Variants in OR7C1 observed in about 807,000 individuals in gnomAD.
OR7C1 encodes olfactory receptor family 7 subfamily C member 1.
For synonymous variants in OR7C1, 152 were observed against 160.7 expected, an observed-to-expected ratio of 0.95 and a Z score of 0.41; for missense variants, 324 against 383.3, an observed-to-expected ratio of 0.85 and a Z score of 1.29.
intron 1 of OR7C1, among the ~76,000 whole-genome samples, chr19:14,820,649 C>T (rs1599920700): frequency 6.6e-6 from 1 of 152,040 alleles, no homozygotes; most frequent in East Asian, 1.9e-4. Context: ...CAGGTGAAAT[C>T]CCTGCTAATT....
At position 14,816,422 on chromosome 19, in the gene OR7C1, G is replaced by C. The variant is rs144755164; in HGVS notation, c.-622-6429C>G. ...ATCAGCTGCCAGTGTGGCTAGAATA[G>C]AGCAGGCAGAAGAAATTGGAAGGAG... On this transcript the variant is annotated intron_variant, in intron 1 of 4. Transcript: ENST00000641666. Among the ~76,000 whole-genome samples the C allele has an allele frequency of 2.6e-3, 390 of 152,302 alleles. No homozygotes were observed. The Middle Eastern group carries it at 0.027, about 11-fold the overall frequency.
intron 1 of OR7C1, among the ~76,000 whole-genome samples, chr19:14,817,230 A>C (rs2044720265): frequency 1.3e-5 from 2 of 152,164 alleles, no homozygotes; most frequent in African/African-American, 2.4e-5. Flanking sequence ...TCAATTGTTA[A>C]GACTCTGCAC....
chr19:14,806,844 T>C (rs2044668568), intron 2 of OR7C1, among the ~76,000 whole-genome samples: 1 of 151,990 alleles, frequency 6.6e-6, no homozygotes, highest in Non-Finnish European at 1.5e-5. Flanking sequence ...GCAATAAACA[T>C]ATGTGTGGAT....
chr19:14,814,668 A>T, intron 1 of OR7C1, among the ~76,000 whole-genome samples: 1 of 152,076 alleles, frequency 6.6e-6, no homozygotes, highest in East Asian at 1.9e-4. Flanking sequence ...CAGGTGATCC[A>T]CCTGCCTCGG....
chr19:14,799,031 A>G (rs895728424), exon 5 of OR7C1: 14 of 1,045,784 alleles, frequency 1.3e-5, no homozygotes, highest in East Asian at 2.6e-5. Flanking sequence ...GGCCCTCCCT[A>G]TCTACCTAAA....
intron 2 of OR7C1, among the ~76,000 whole-genome samples, chr19:14,804,061 A>G (rs568169870): frequency 1.3e-5 from 2 of 152,222 alleles, no homozygotes; most frequent in Non-Finnish European, 2.9e-5. Flanking sequence ...AATGTAGGAT[A>G]CATAGGTGTC....
intron 2 of OR7C1, among the ~76,000 whole-genome samples, chr19:14,801,961 T>C (rs2044644058): frequency 6.6e-6 from 1 of 152,196 alleles, no homozygotes; most frequent in Non-Finnish European, 1.5e-5. Context: ...TTGGGGATTA[T>C]AATTCGAGAT....
rs183854693 is a variant in OR7C1, at chr19:14,808,539, G to A, written c.-435+1267C>T. 1.9e-3 allele frequency among the ~76,000 whole-genome samples: 267 copies of A among 137,256 alleles called. 1 individual carries two copies. The highest frequency in any genetic ancestry group is 2.6e-3 in the Non-Finnish European group (169 of 65,002). 90.0% of individuals were successfully genotyped at this position (137,256 alleles called of 152,430 possible). ...GGAAACAGAAAATCAAATACCATATGTTTTCACTTATAAGCAGAAGCCAAA... is the reference window on the plus strand; with the variant it reads ...GGAAACAGAAAATCAAATACCATATATTTTCACTTATAAGCAGAAGCCAAA... On this transcript the variant is annotated intron_variant, in intron 2 of 4. Transcript: ENST00000641666.
At chr19:14,808,889 G>A (rs1469510010) in intron 2 of OR7C1, among the ~76,000 whole-genome samples, 3 of 151,912 alleles carry the variant, frequency 2.0e-5, no homozygotes, top group Non-Finnish European at 2.9e-5. Context: ...TGTAACATTT[G>A]GTGAAATATA....
intron 1 of OR7C1, among the ~76,000 whole-genome samples, chr19:14,814,465 C>A (rs1189158924): frequency 6.6e-6 from 1 of 151,894 alleles, no homozygotes; most frequent in Non-Finnish European, 1.5e-5. Context: ...TTCTTGTTGC[C>A]CAGGCTGGAG....
At chr19:14,807,881 G>A (rs968292951) in intron 2 of OR7C1, among the ~76,000 whole-genome samples, 3 of 149,264 alleles carry the variant, frequency 2.0e-5, no homozygotes, top group Admixed American at 6.6e-5. Context: ...GGGTGATAGA[G>A]CGAGACTCAG....
chr19:14,800,217 T>C, intron 4 of OR7C1, 39 bp downstream of exon 4: 4 of 1,441,638 alleles, frequency 2.8e-6, no homozygotes, highest in South Asian at 1.4e-5. Context: ...TTTGGTTACA[T>C]TTAATTTTAA....
chr19:14,822,584 G>A (rs1326235079), intron 1 of OR7C1, among the ~76,000 whole-genome samples: 12 of 151,542 alleles, frequency 7.9e-5, no homozygotes, highest in Admixed American at 5.9e-4. Flanking sequence ...GGGTTTCACC[G>A]TCTTGGCCAG....
rs528166303 is a variant in OR7C1 at position 14,814,613 on chromosome 19, G to A, written c.-622-4620C>T. Among the ~76,000 whole-genome samples, 357 of 151,916 alleles carry A rather than the reference G, an allele frequency of 2.3e-3. 1 individual carries two copies. Among genetic ancestry groups the A allele is most frequent in the Middle Eastern group, 0.01 (3 of 294 alleles). On this transcript the variant is annotated intron_variant, in intron 1 of 4. Coordinates refer to ENST00000641666, the Ensembl canonical transcript of OR7C1. ...TAATTTTTGTATTTTTAGTAGAGAC[G>A]GGGGTTTCACCATGCTGGCCAGGCT...
rs372716593 is a variant in OR7C1, at chr19:14,799,744, G to C, written c.393C>G (p.His131Gln). ...GCTGGGGGTTCATGATGACCGTATAGTGCAGGGGGTGACAGACGGCCACGA... is the reference window on the plus strand; with the variant it reads ...GCTGGGGGTTCATGATGACCGTATACTGCAGGGGGTGACAGACGGCCACGA... Residue 131 changes from histidine (H) to glutamine (Q), a missense_variant, in exon 5 of 5, where the codon CAC becomes CAG. Transcript: ENST00000641666. 9 of 1,614,078 alleles carry C rather than the reference G, an allele frequency of 5.6e-6. No homozygotes were observed. The highest frequency in any genetic ancestry group is 2.7e-5 in the African/African-American group (2 of 75,014).
chr19:14,799,236 G>T (rs1356974949), exon 5 of OR7C1: 1 of 1,614,074 alleles, frequency 6.2e-7, no homozygotes, highest in Non-Finnish European at 8.5e-7. Flanking sequence ...AGTCTCCCCA[G>T]GGCCCTCTTC....
chr19:14,833,170 G>T (rs1299804134), intron 1 of OR7C1, among the ~76,000 whole-genome samples: 1 of 152,042 alleles, frequency 6.6e-6, no homozygotes. Flanking sequence ...CTTACACAAA[G>T]TCAGAGGAAT....
chr19:14,800,005 G>C (rs903508113), exon 5 of OR7C1: 1 of 1,613,960 alleles, frequency 6.2e-7, no homozygotes, highest in African/African-American at 1.3e-5. Context: ...CCAGGATGAT[G>C]AGCAGGTTCC....
intron 1 of OR7C1, among the ~76,000 whole-genome samples, chr19:14,810,380 T>G (rs1046781788): frequency 1.0e-5 from 1 of 96,610 alleles, no homozygotes; most frequent in Non-Finnish European, 2.1e-5. Context: ...GAGTTTTTTT[T>G]TTTTGTTTTT....
Sources: gnomAD v4.1 joint callset for allele counts (sites outside exome capture counted in the v4.1 genomes callset) on GRCh38, gnomAD v4.1.1 for gene constraint, MANE v1.5 for transcripts, NCBI Gene and HGNC (gene_info 2026-07-23, HGNC 2026-07-21) for gene names.